The following ZSCAN25 variants were observed in gnomAD, a reference collection of about 807,000 sequenced individuals.
ZSCAN25 encodes zinc finger and SCAN domain-containing protein 25.
ZSCAN25 carries 27 observed loss-of-function variants against 38.7 expected under a neutral mutation model. The ratio of observed to expected loss-of-function variants is 0.70; its 90% CI spans 0.51 to 0.96. ZSCAN25 has a LOEUF of 0.96. Ranked by LOEUF, ZSCAN25 falls within the 40% of genes least tolerant of loss-of-function variation. The pLI is 0.00. For synonymous variants in ZSCAN25, 273 were observed against 277.7 expected (o/e 0.98, Z 0.17); for missense variants, 637 against 705.9 (o/e 0.90, Z 1.11).
At chr7:99,733,518 G>A in the ZSCAN25 span, among the ~76,000 whole-genome samples, 1 of 152,124 alleles carries the variant, frequency 6.6e-6, no homozygotes, top group Non-Finnish European at 1.5e-5. Flanking sequence ...CTGAATCCTG[G>A]GCTGTACCGG....
the ZSCAN25 span, among the ~76,000 whole-genome samples, chr7:99,718,014 A>G: frequency 6.6e-6 from 1 of 152,088 alleles, no homozygotes; most frequent in African/African-American, 2.4e-5. Flanking sequence ...GTTCACCTAA[A>G]CCATGGGCAA....
the ZSCAN25 span, among the ~76,000 whole-genome samples, chr7:99,720,067 CTG>C: frequency 6.6e-6 from 1 of 152,044 alleles, no homozygotes; most frequent in African/African-American, 2.4e-5. Context: ...GCACATAAAA[CTG>C]GTGAAATCTG....
chr7:99,633,993 C>A (rs1430579355), downstream of ZSCAN25, among the ~76,000 whole-genome samples: 2 of 152,200 alleles, frequency 1.3e-5, no homozygotes, highest in African/African-American at 4.8e-5. Context: ...TAAACCGGGA[C>A]TCTCCAGGTC....
the ZSCAN25 span, chr7:99,713,424 C>T: frequency 4.3e-6 from 7 of 1,611,080 alleles, no homozygotes; most frequent in African/African-American, 1.3e-5. Context: ...AAAACCTTCC[C>T]TCTGAGTGCC....
chr7:99,725,628 A>G, the ZSCAN25 span, among the ~76,000 whole-genome samples: 1 of 152,200 alleles, frequency 6.6e-6, no homozygotes, highest in Admixed American at 6.5e-5. Context: ...GGCTCCAATT[A>G]GAGGTTGGAC....
the ZSCAN25 span, among the ~76,000 whole-genome samples, chr7:99,651,607 A>G: frequency 6.6e-6 from 1 of 152,330 alleles, no homozygotes; most frequent in Non-Finnish European, 1.5e-5. Context: ...CCAACAAGAC[A>G]AGGTTCCTCC....
At chr7:99,660,666 G>A in the ZSCAN25 span, 2 of 1,613,392 alleles carry the variant, frequency 1.2e-6, no homozygotes, top group South Asian at 2.2e-5. Context: ...AGAGCTGAAA[G>A]GAGAGGAAAG....
At chr7:99,679,854 G>A in the ZSCAN25 span, 9 of 1,614,120 alleles carry the variant, frequency 5.6e-6, no homozygotes, top group South Asian at 7.7e-5. Flanking sequence ...CTGACAGCCA[G>A]GAGAAGCCAG....
the ZSCAN25 span, among the ~76,000 whole-genome samples, chr7:99,707,117 A>G: frequency 6.6e-6 from 1 of 152,198 alleles, no homozygotes; most frequent in Admixed American, 6.5e-5. Context: ...GAACAGAATG[A>G]GGAGAAGAAA....
At chr7:99,674,470 C>T in the ZSCAN25 span, 1 of 1,339,268 alleles carries the variant, frequency 7.5e-7, no homozygotes, top group Non-Finnish European at 1.1e-6. Context: ...AGAGACTATC[C>T]TGCAGTGGGG....
At chr7:99,700,506 G>T in the ZSCAN25 span, among the ~76,000 whole-genome samples, 1 of 152,000 alleles carries the variant, frequency 6.6e-6, no homozygotes. Context: ...ACACATCCTT[G>T]CACGCCCAGC....
the ZSCAN25 span, chr7:99,679,733 C>G: frequency 8.2e-7 from 1 of 1,217,604 alleles, no homozygotes; most frequent in East Asian, 2.3e-5. Flanking sequence ...CCTTGAACAT[C>G]TCTTTTGATC....
the ZSCAN25 span, among the ~76,000 whole-genome samples, chr7:99,660,870 C>T: frequency 3.3e-5 from 5 of 152,318 alleles, no homozygotes; most frequent in East Asian, 9.7e-4. Flanking sequence ...CCAAGGTCTA[C>T]ATGATTGTGG....
the ZSCAN25 span, chr7:99,735,312 G>T: frequency 3.5e-6 from 2 of 577,378 alleles, no homozygotes; most frequent in Non-Finnish European, 6.2e-6. Flanking sequence ...TCTCCACCTC[G>T]GCAGTTGGCA....
At chr7:99,731,474 C>A in the ZSCAN25 span, among the ~76,000 whole-genome samples, 1 of 152,296 alleles carries the variant, frequency 6.6e-6, no homozygotes, top group East Asian at 1.9e-4. Context: ...CCAGGCACTT[C>A]ATTCCCTCAT....
chr7:99,703,199 T>C, the ZSCAN25 span, among the ~76,000 whole-genome samples: 1 of 152,216 alleles, frequency 6.6e-6, no homozygotes, highest in African/African-American at 2.4e-5. Flanking sequence ...GGAGTTATCA[T>C]TTGGAGGGTC....
the ZSCAN25 span, among the ~76,000 whole-genome samples, chr7:99,658,034 C>T: frequency 2.0e-5 from 3 of 151,818 alleles, no homozygotes; most frequent in African/African-American, 7.3e-5. Context: ...TGACTCTATC[C>T]AGTTTGCCAG....
the ZSCAN25 span, among the ~76,000 whole-genome samples, chr7:99,721,767 C>T: frequency 6.6e-6 from 1 of 151,978 alleles, no homozygotes; most frequent in Non-Finnish European, 1.5e-5. Flanking sequence ...GTCAGTGTGT[C>T]TGTGTGCCTA....
At chr7:99,644,496 A>G in the ZSCAN25 span, among the ~76,000 whole-genome samples, 1 of 152,186 alleles carries the variant, frequency 6.6e-6, no homozygotes, top group Non-Finnish European at 1.5e-5. Flanking sequence ...GAGGGGGACT[A>G]AAAGCATGGT....
Sources: gnomAD v4.1 joint callset for allele counts (sites outside exome capture counted in the v4.1 genomes callset) on GRCh38, gnomAD v4.1.1 for gene constraint, MANE v1.5 for transcripts, NCBI Gene and HGNC (gene_info 2026-07-23, HGNC 2026-07-21) for gene names.